Variants in NAV3 observed in about 807,000 individuals in gnomAD.
NAV3 encodes the protein pore membrane and/or filament interacting like protein 1.
A neutral mutation model predicts 244.7 loss-of-function variants in NAV3; 87 were observed. The observed-to-expected ratio is 0.36, with a 90% confidence interval of 0.30 to 0.42. The LOEUF (loss-of-function observed/expected upper bound fraction) is 0.42, where lower values mean the gene tolerates loss of function less well. NAV3 is among the 20% of genes least tolerant of loss of function. The pLI is 1.00. For synonymous variants in NAV3, 1,126 were observed against 1,042.2 expected (o/e 1.08, Z -1.55); for missense variants, 2,663 against 2,893.3 (o/e 0.92, Z 1.83).
chr12:78,033,127 C>G (rs534485831), intron 9 of NAV3, among the ~76,000 whole-genome samples: 1 of 152,128 alleles, frequency 6.6e-6, no homozygotes, highest in African/African-American at 2.4e-5. Context: ...TTTAGGTTAA[C>G]CAGAAGGATA....
intron 2 of NAV3, among the ~76,000 whole-genome samples, chr12:77,670,114 T>C (rs899648714): frequency 1.3e-5 from 2 of 151,994 alleles, no homozygotes; most frequent in Admixed American, 6.6e-5. Context: ...ACGGGAGATA[T>C]TACAATTGAT....
At chr12:78,087,802 G>A (rs921306820) in intron 12 of NAV3, among the ~76,000 whole-genome samples, 5 of 151,734 alleles carry the variant, frequency 3.3e-5, no homozygotes, top group Non-Finnish European at 7.4e-5. Context: ...TTAATTAGGG[G>A]TCTATTTATT....
At chr12:77,794,244 T>G (rs1161614186) in intron 2 of NAV3, among the ~76,000 whole-genome samples, 1 of 152,246 alleles carries the variant, frequency 6.6e-6, no homozygotes, top group East Asian at 1.9e-4. Flanking sequence ...AGATATGTTA[T>G]AGTTTCCAAT....
intron 12 of NAV3, among the ~76,000 whole-genome samples, chr12:78,092,156 C>G (rs1953979428): frequency 6.6e-6 from 1 of 152,074 alleles, no homozygotes; most frequent in African/African-American, 2.4e-5. Flanking sequence ...AGTTGACATT[C>G]AAATTCAGGG....
At chr12:78,139,135 C>T (rs1956499308) in intron 19 of NAV3, among the ~76,000 whole-genome samples, 1 of 152,040 alleles carries the variant, frequency 6.6e-6, no homozygotes, top group African/African-American at 2.4e-5. Flanking sequence ...CAACATTTTG[C>T]ACATTACATA....
At chr12:77,676,917 CACA>C (rs1266992534) in intron 2 of NAV3, among the ~76,000 whole-genome samples, 1 of 152,098 alleles carries the variant, frequency 6.6e-6, no homozygotes, top group Non-Finnish European at 1.5e-5. Context: ...GGGAAGTGAG[CACA>C]ACATTCTTTA....
chr12:77,741,148 C>CAAAAAAAAAAAAAAAAAAAAAGAAAA, intron 2 of NAV3, among the ~76,000 whole-genome samples: 2 of 68,668 alleles, frequency 2.9e-5, no homozygotes, highest in Non-Finnish European at 5.3e-5. Flanking sequence ...AAAAAAAAGA[C>CAAAAAAAAAAAAAAAAAAAAAGAAAA]AAAAAAAAAA....
chr12:77,942,915 A>G (rs1298547397), intron 3 of NAV3, among the ~76,000 whole-genome samples: 1 of 152,170 alleles, frequency 6.6e-6, no homozygotes, highest in Non-Finnish European at 1.5e-5. Context: ...CTTAAACCCA[A>G]CATGGTTGCT....
At chr12:78,196,452 AATTGAAAATGTCATTGTAAATATGCAAAT>A (rs1959175943) in intron 34 of NAV3, among the ~76,000 whole-genome samples, 1 of 151,994 alleles carries the variant, frequency 6.6e-6, no homozygotes, top group African/African-American at 2.4e-5. Flanking sequence ...ACGATTTGCA[AATTGAAAATGTCATTGTAAATATGCAAAT>A]ATTATGGAAA....
At chr12:77,987,173 G>A (rs1433830059) in intron 5 of NAV3, among the ~76,000 whole-genome samples, 2 of 152,014 alleles carry the variant, frequency 1.3e-5, no homozygotes, top group Non-Finnish European at 2.9e-5. Context: ...ATCATATTCT[G>A]TATACAGATT....
At chr12:77,659,744 A>ATG (rs1296707336) in intron 2 of NAV3, among the ~76,000 whole-genome samples, 1 of 152,196 alleles carries the variant, frequency 6.6e-6, no homozygotes, top group Non-Finnish European at 1.5e-5. Flanking sequence ...GATTAAGAAA[A>ATG]TGTGGCACAT....
intron 16 of NAV3, 128 bp from the exon 17 acceptor site, chr12:78,127,039 T>C (rs1159314359): frequency 1.4e-6 from 1 of 738,394 alleles, no homozygotes; most frequent in African/African-American, 1.8e-5. Flanking sequence ...CCTTTTTCAA[T>C]GAGTTAAGCA....
intron 28 of NAV3, 57 bp from the exon 29 acceptor site, chr12:78,179,472 C>T (rs1958407511): frequency 6.2e-7 from 1 of 1,604,154 alleles, no homozygotes; most frequent in Admixed American, 1.7e-5. Flanking sequence ...AGAGGCAGTG[C>T]TTTTCTTAAT....
At chr12:78,191,759 A>T (rs2139904175) in intron 34 of NAV3, among the ~76,000 whole-genome samples, 1 of 152,284 alleles carries the variant, frequency 6.6e-6, no homozygotes, top group South Asian at 2.1e-4. Flanking sequence ...TTTATATAAA[A>T]GCCTTTTAGC....
At chr12:77,796,453 G>T (rs185532701) in intron 2 of NAV3, among the ~76,000 whole-genome samples, 32 of 152,306 alleles carry the variant, frequency 2.1e-4, no homozygotes, top group African/African-American at 6.7e-4. Context: ...TTGAAACACA[G>T]TCTATTCTGG....
intron 2 of NAV3, among the ~76,000 whole-genome samples, chr12:77,613,641 A>G (rs1016821810): frequency 1.3e-5 from 2 of 152,106 alleles, no homozygotes; most frequent in African/African-American, 4.8e-5. Flanking sequence ...CGTAAGTTAG[A>G]AAAGCATATT....
At chr12:77,859,765 A>C (rs1016405079) in intron 1 of NAV3, among the ~76,000 whole-genome samples, 4 of 150,380 alleles carry the variant, frequency 2.7e-5, no homozygotes, top group African/African-American at 9.7e-5. Flanking sequence ...ATGCAAAAAA[A>C]AAAAAAAAAA....
intron 2 of NAV3, among the ~76,000 whole-genome samples, chr12:77,742,749 T>A (rs1187921090): frequency 6.6e-6 from 1 of 152,042 alleles, no homozygotes; most frequent in Non-Finnish European, 1.5e-5. Flanking sequence ...TAGTACATAC[T>A]GTACTTGTAT....
At chr12:77,891,629 T>G (rs1346275628) in intron 1 of NAV3, among the ~76,000 whole-genome samples, 1 of 152,166 alleles carries the variant, frequency 6.6e-6, no homozygotes, top group Non-Finnish European at 1.5e-5. Context: ...CTTTAAAAAA[T>G]GTACTCGGTC....
Sources: gnomAD v4.1 joint callset for allele counts (sites outside exome capture counted in the v4.1 genomes callset) on GRCh38, gnomAD v4.1.1 for gene constraint, MANE v1.5 for transcripts, NCBI Gene and HGNC (gene_info 2026-07-23, HGNC 2026-07-21) for gene names.